The following ADAM32 variants were observed in gnomAD, a reference collection of about 807,000 sequenced individuals.
The protein encoded by ADAM32 is ADAM metallopeptidase domain 32, also known as disintegrin and metalloproteinase domain-containing protein 32.
Under a neutral mutation model 114.9 loss-of-function variants are expected in ADAM32, and 89 were observed. That is an observed-to-expected ratio of 0.77 (90% CI 0.65 to 0.92). The LOEUF (loss-of-function observed/expected upper bound fraction) is 0.92. Ranked by LOEUF, ADAM32 falls within the 40% of genes least tolerant of loss-of-function variation. ADAM32 has a pLI of 0.00. For missense variants in ADAM32, 870 were observed against 932.8 expected (o/e 0.93, Z 0.88); for synonymous variants, 285 against 307.5 (o/e 0.93, Z 0.77).
At chr8:39,234,581 C>T (rs1307372959) in intron 16 of ADAM32, among the ~76,000 whole-genome samples, 1 of 152,034 alleles carries the variant, frequency 6.6e-6, no homozygotes, top group Non-Finnish European at 1.5e-5. Flanking sequence ...ATTTACTCTA[C>T]AGGGTATTGT....
chr8:39,218,406 G>A (rs746935525), intron 12 of ADAM32, among the ~76,000 whole-genome samples: 9 of 152,112 alleles, frequency 5.9e-5, no homozygotes, highest in East Asian at 1.9e-4. Flanking sequence ...GGAGCTCCAC[G>A]ATCAGCAGGT....
At chr8:39,121,315 T>C (rs140164756) in intron 2 of ADAM32, among the ~76,000 whole-genome samples, 229 of 152,274 alleles carry the variant, frequency 1.5e-3, no homozygotes, top group African/African-American at 4.9e-3. Flanking sequence ...TTCTACAGGA[T>C]AGGACGATAG....
At chr8:39,127,435 A>G (rs1202973466) in intron 2 of ADAM32, among the ~76,000 whole-genome samples, 3 of 151,824 alleles carry the variant, frequency 2.0e-5, no homozygotes, top group African/African-American at 7.3e-5. Context: ...GAGTTTTTCC[A>G]TTTCTTCTAG....
At chr8:39,261,956 G>T (rs187773580) in intron 19 of ADAM32, among the ~76,000 whole-genome samples, 3 of 152,016 alleles carry the variant, frequency 2.0e-5, no homozygotes, top group Admixed American at 6.6e-5. Context: ...TATTAATCCA[G>T]CAGTTTTCAA....
intron 11 of ADAM32, among the ~76,000 whole-genome samples, chr8:39,188,514 C>T (rs969183275): frequency 1.3e-5 from 2 of 151,900 alleles, no homozygotes; most frequent in Non-Finnish European, 1.5e-5. Flanking sequence ...CACCCAGAGC[C>T]TAAGATTAAT....
intron 17 of ADAM32, among the ~76,000 whole-genome samples, chr8:39,253,619 T>C (rs1811444932): frequency 6.6e-6 from 1 of 151,564 alleles, no homozygotes; most frequent in African/African-American, 2.4e-5. Flanking sequence ...TTTTTATACG[T>C]CAAAAACAGA....
chr8:39,157,620 G>A (rs571473525), intron 6 of ADAM32: 39 of 575,806 alleles, frequency 6.8e-5, no homozygotes, highest in African/African-American at 5.2e-4. Flanking sequence ...AAGCGGCCAT[G>A]GCCAAATTTA....
At chr8:39,262,010 T>A (rs4316117) in intron 19 of ADAM32, among the ~76,000 whole-genome samples, 32,908 of 152,126 alleles carry the variant, frequency 0.22, 3,822 homozygotes, top group East Asian at 0.29. Context: ...CTATGCTGAT[T>A]GTTTCTTTTG....
At chr8:39,227,649 C>T (rs969722504) in intron 14 of ADAM32, among the ~76,000 whole-genome samples, 1 of 152,138 alleles carries the variant, frequency 6.6e-6, no homozygotes, top group East Asian at 1.9e-4. Context: ...GAATCTCACC[C>T]CCACCCCACA....
chr8:39,219,481 C>G (rs1808806559), intron 12 of ADAM32, among the ~76,000 whole-genome samples: 1 of 152,148 alleles, frequency 6.6e-6, no homozygotes, highest in African/African-American at 2.4e-5. Flanking sequence ...TTATATGCCC[C>G]CTCTATGGAT....
intron 2 of ADAM32, among the ~76,000 whole-genome samples, chr8:39,124,134 A>G (rs1332498092): frequency 6.6e-6 from 1 of 151,918 alleles, no homozygotes; most frequent in African/African-American, 2.4e-5. Context: ...TCACCTAGGT[A>G]TAAGCTCAGC....
chr8:39,108,692 A>G (rs1019003593), intron 1 of ADAM32, among the ~76,000 whole-genome samples: 1 of 152,198 alleles, frequency 6.6e-6, no homozygotes, highest in East Asian at 1.9e-4. Flanking sequence ...TTTTACTTGC[A>G]TGTAAGCCTC....
intron 7 of ADAM32, among the ~76,000 whole-genome samples, chr8:39,163,991 TAC>T (rs1164352066): frequency 6.6e-6 from 1 of 152,164 alleles, no homozygotes; most frequent in African/African-American, 2.4e-5. Flanking sequence ...TATGTATACA[TAC>T]ACACACACTC....
chr8:39,235,798 T>A (rs1810095770), intron 16 of ADAM32, among the ~76,000 whole-genome samples: 1 of 152,174 alleles, frequency 6.6e-6, no homozygotes, highest in South Asian at 2.1e-4. Context: ...GTTAGACACA[T>A]CATCATGGTC....
At chr8:39,263,326 T>C (rs1334128125) in intron 19 of ADAM32, among the ~76,000 whole-genome samples, 5 of 152,210 alleles carry the variant, frequency 3.3e-5, no homozygotes, top group East Asian at 1.9e-4. Flanking sequence ...AATCAATTCA[T>C]TTTTTATCTT....
chr8:39,107,717 C>A (rs778690107), upstream of ADAM32: 9 of 1,549,314 alleles, frequency 5.8e-6, no homozygotes, highest in African/African-American at 2.7e-5. Context: ...CGCGTCCCCG[C>A]GTCCCTGGCA....
At chr8:39,184,606 C>A (rs972056507) in intron 10 of ADAM32, among the ~76,000 whole-genome samples, 3 of 152,158 alleles carry the variant, frequency 2.0e-5, no homozygotes, top group Admixed American at 6.5e-5. Context: ...TTCCTGTGTG[C>A]ACAGTTATTC....
chr8:39,271,644 T>G (rs1411129833), intron 20 of ADAM32, among the ~76,000 whole-genome samples: 1 of 152,000 alleles, frequency 6.6e-6, no homozygotes, highest in Non-Finnish European at 1.5e-5. Context: ...TTAAATTGTT[T>G]AGGGAAATCA....
intron 16 of ADAM32, among the ~76,000 whole-genome samples, chr8:39,235,018 A>G (rs1810026917): frequency 6.6e-6 from 1 of 150,670 alleles, no homozygotes; most frequent in Non-Finnish European, 1.5e-5. Flanking sequence ...TCTCTGTCTG[A>G]CTCTTCATTC....
Sources: allele counts gnomAD v4.1 joint callset (sites outside exome capture counted in the v4.1 genomes callset), GRCh38; gene constraint gnomAD v4.1.1; transcripts MANE v1.5; gene names NCBI Gene and HGNC (gene_info 2026-07-23, HGNC 2026-07-21).